The following ABCC11 variants were observed in gnomAD, a reference collection of about 807,000 sequenced individuals.
ABCC11 encodes ATP-binding cassette sub-family C member 11.
Under a neutral mutation model 149.3 loss-of-function variants are expected in ABCC11, and 135 were observed. The observed-to-expected ratio is 0.90, with a 90% CI of 0.79 to 1.04. The LOEUF (loss-of-function observed/expected upper bound fraction) is 1.04, where lower values mean the gene tolerates loss of function less well. Among genes scored for constraint, ABCC11 ranks in the 50% least tolerant of loss-of-function variants. The pLI, the probability that ABCC11 is intolerant of heterozygous loss-of-function variation, is 0.00. For synonymous variants in ABCC11, 665 were observed against 671.4 expected (o/e 0.99, Z 0.15); for missense variants, 1,680 against 1,722.1 (o/e 0.98, Z 0.43).
intron 20 of ABCC11, 111 bp from the exon 21 acceptor site, chr16:48,187,538 TC>T: frequency 1.1e-6 from 1 of 883,566 alleles, no homozygotes; most frequent in Non-Finnish European, 1.8e-6. Flanking sequence ...CCCAGGGGTC[TC>T]CAGGGCAGGC....
intron 6 of ABCC11, among the ~76,000 whole-genome samples, chr16:48,222,289 G>A (rs1969796240): frequency 6.6e-6 from 1 of 152,038 alleles, no homozygotes; most frequent in African/African-American, 2.4e-5. Context: ...TGTTGCCCAG[G>A]CTAGTCTTGA....
In ABCC11 at chr16:48,200,470, G is replaced by T. The variant is rs41282045; in HGVS notation, c.1888C>A (p.Arg630=). The T allele has an allele frequency of 4.3e-6, 7 of 1,613,590 alleles. No homozygotes were observed. The highest frequency in any genetic ancestry group is 1.1e-5 in the South Asian group (1 of 91,012). ...TGCCCCCCAGAGAGGTTGAGGCCCC[G>T]CTCTCCAATCTGCAGACAGGCAGTA... ...PFGDMTEIGE[R]GLNLSGGQKQ... is the part of the protein sequence containing the mutation. The change falls in exon 15 of 30, where the codon CGG becomes AGG. Residue 630 remains arginine (R), a synonymous_variant. Coordinates refer to ENST00000356608, the MANE Select transcript of ABCC11 (RefSeq NM_001370497.1).
chr16:48,215,147 G>GCTT (rs746407606), intron 8 of ABCC11, 50 bp downstream of exon 8: 2 of 1,594,980 alleles, frequency 1.3e-6, no homozygotes, highest in East Asian at 4.5e-5. Context: ...GAGGGGCTCG[G>GCTT]CTTACCATGC....
rs558563715 is a variant in ABCC11 at position 48,168,364 on chromosome 16, A to G, written c.3892-704T>C. Among the ~76,000 whole-genome samples, 6 of 152,346 alleles carry G rather than the reference A, an allele frequency of 3.9e-5. No homozygotes were observed. The East Asian group carries it at 9.6e-4, about 24-fold the overall frequency. ...GCAAATTTGTTGTTCATCTCTCCAA[A>G]GAAGAGGGGGAAAGTCCTACCTCCT... On this transcript the variant is annotated intron_variant, in intron 28 of 29. Coordinates refer to ENST00000356608, the MANE Select transcript of ABCC11 (RefSeq NM_001370497.1).
At chr16:48,224,500 G>C in intron 4 of ABCC11, 71 bp from the exon 5 acceptor site, 1 of 1,544,606 alleles carries the variant, frequency 6.5e-7, no homozygotes, top group Non-Finnish European at 8.8e-7. Context: ...GTTCTTGCTA[G>C]CCAGGAGCTT....
At chr16:48,197,580 A>T (rs1967545717) in intron 17 of ABCC11, among the ~76,000 whole-genome samples, 1 of 152,248 alleles carries the variant, frequency 6.6e-6, no homozygotes, top group Non-Finnish European at 1.5e-5. Flanking sequence ...TCCAGACATC[A>T]GGGGCTAAAC....
chr16:48,213,942 A>G (rs1479417123), intron 9 of ABCC11, among the ~76,000 whole-genome samples: 4 of 152,164 alleles, frequency 2.6e-5, no homozygotes, highest in African/African-American at 9.7e-5. Flanking sequence ...TCTTGCTGTC[A>G]AGGTCCTATT....
intron 11 of ABCC11, chr16:48,210,674 G>A: frequency 2.3e-6 from 1 of 436,932 alleles, no homozygotes; most frequent in Non-Finnish European, 4.1e-6. Context: ...TCTCCTTTCT[G>A]TGTCCTTAGT....
chr16:48,222,120 GGTCTTGCC>G (rs1482066279), intron 6 of ABCC11, among the ~76,000 whole-genome samples: 4 of 151,172 alleles, frequency 2.6e-5, no homozygotes, highest in Non-Finnish European at 5.9e-5. Context: ...GTAGAAATAG[GGTCTTGCC>G]ATGTTGCCCA....
At chr16:48,168,779 C>CT (rs1965501966) in intron 28 of ABCC11, among the ~76,000 whole-genome samples, 1 of 152,144 alleles carries the variant, frequency 6.6e-6, no homozygotes. Flanking sequence ...TCTCAGCAAA[C>CT]TAACACAGGA....
rs367812945 is a variant in ABCC11 at position 48,213,503 on chromosome 16, G to C, written c.1296C>G (p.Phe432Leu). 6.8e-6 allele frequency: 11 copies of C among 1,611,866 alleles called. No individual in the cohort carries two copies. The highest frequency in any genetic ancestry group is 9.3e-6 in the Non-Finnish European group (11 of 1,178,986). Residue 432 changes from phenylalanine to leucine, a missense_variant, in exon 10 of 30, where the codon TTC becomes TTG. Transcript: ENST00000356608. ...ASLNLLRLSV[F>L]FVPIAVKGLT... is the part of the protein sequence containing the mutation. ...GACCTTTGACTGCAATAGGCACAAA[G>C]AACACTGACAGCCGAAGGAGATTCA...
intron 10 of ABCC11, among the ~76,000 whole-genome samples, chr16:48,212,314 T>C (rs1311908581): frequency 6.6e-6 from 1 of 152,016 alleles, no homozygotes; most frequent in Non-Finnish European, 1.5e-5. Flanking sequence ...CCTCCCCAAC[T>C]TACTCCCTAG....
Position 48,175,346 on chromosome 16 carries a change from C to G in ABCC11, c.3610G>C (p.Val1204Leu), listed in dbSNP as rs772566323. 1.9e-6 allele frequency: 3 copies of G among 1,614,032 alleles called. No homozygotes were observed. The African/African-American group carries it at 4.0e-5, about 22-fold the overall frequency. Residue 1204 changes from valine to leucine, a missense_variant, in exon 26 of 30, where the codon GTG becomes CTG. Transcript: ENST00000356608. The stretch of plus-strand genomic sequence containing the variant: ...TCCAGGCCGATGCTGCAAATGTCCA[C>G]GCCGTCAATGAGAATCCGGCCTGCC... The part of the protein sequence containing the change: ...PMAGRILIDG[V>L]DICSIGLEDL...
chr16:48,225,847 C>T (rs73546437), intron 4 of ABCC11, among the ~76,000 whole-genome samples: 19,834 of 151,994 alleles, frequency 0.13, 1,587 homozygotes, highest in African/African-American at 0.23. Flanking sequence ...TCGTAGTTTG[C>T]GTATATAGTG....
intron 13 of ABCC11, among the ~76,000 whole-genome samples, chr16:48,204,368 G>C (rs1488364945): frequency 6.6e-6 from 1 of 152,122 alleles, no homozygotes; most frequent in Non-Finnish European, 1.5e-5. Flanking sequence ...GGGGCAGTGG[G>C]AACTGTTCAA....
At chr16:48,229,697 C>G (rs1193212121) in intron 3 of ABCC11, among the ~76,000 whole-genome samples, 2 of 152,052 alleles carry the variant, frequency 1.3e-5, no homozygotes, top group Admixed American at 6.5e-5. Context: ...ATCTCCTGAC[C>G]TCATGATCCA....
intron 1 of ABCC11, among the ~76,000 whole-genome samples, chr16:48,246,632 G>A (rs904618653): frequency 1.2e-4 from 19 of 152,118 alleles, no homozygotes; most frequent in Admixed American, 2.0e-4. Context: ...GTGCAGTGGC[G>A]TGATCGTAGC....
chr16:48,175,695 TA>T (rs1353100176), intron 25 of ABCC11, among the ~76,000 whole-genome samples: 1 of 152,238 alleles, frequency 6.6e-6, no homozygotes, highest in Non-Finnish European at 1.5e-5. Flanking sequence ...ATGTTAGGAT[TA>T]TTTTTTAATT....
At chr16:48,215,984 A>T (rs760452266) in intron 7 of ABCC11, 130 bp downstream of exon 7, 150 of 984,820 alleles carry the variant, frequency 1.5e-4, no homozygotes, top group Non-Finnish European at 2.1e-4. Flanking sequence ...TAGGGAGTGG[A>T]GCTGAATCTT....
Sources: allele counts gnomAD v4.1 joint callset (sites outside exome capture counted in the v4.1 genomes callset), GRCh38; gene constraint gnomAD v4.1.1; transcripts MANE v1.5; gene names NCBI Gene and HGNC (gene_info 2026-07-23, HGNC 2026-07-21).